The following COX10 variants were observed in gnomAD, a reference collection of about 807,000 sequenced individuals.
COX10 encodes protoheme IX farnesyltransferase, mitochondrial.
In COX10, 27 loss-of-function variants were observed where a neutral mutation model predicts 37.3. That is an observed-to-expected ratio of 0.72 (90% CI 0.53 to 1.00). The LOEUF is 1.00. Among genes scored for constraint, COX10 ranks in the 50% least tolerant of loss-of-function variants. COX10 has a pLI of 0.00. For missense variants in COX10, 475 were observed against 563.2 expected (o/e 0.84, Z 1.59); for synonymous variants, 222 against 229.1 (o/e 0.97, Z 0.28).
intron 4 of COX10, among the ~76,000 whole-genome samples, chr17:14,119,097 C>G (rs993563703): frequency 6.6e-6 from 1 of 152,008 alleles, no homozygotes; most frequent in South Asian, 2.1e-4. Context: ...GTTTATTCAT[C>G]ATTGAACTAA....
chr17:14,198,526 A>T (rs1341593122), intron 6 of COX10, among the ~76,000 whole-genome samples: 1 of 152,196 alleles, frequency 6.6e-6, no homozygotes, highest in African/African-American at 2.4e-5. Flanking sequence ...TTGGCTTGTG[A>T]TTCAAATGTG....
intron 6 of COX10, among the ~76,000 whole-genome samples, chr17:14,198,623 T>C (rs1335757530): frequency 1.3e-5 from 2 of 152,200 alleles, no homozygotes; most frequent in Non-Finnish European, 2.9e-5. Context: ...ATTTGGCAGA[T>C]GGATGGTTTT....
intron 4 of COX10, among the ~76,000 whole-genome samples, chr17:14,115,980 T>C (rs1207272707): frequency 2.0e-5 from 3 of 152,168 alleles, no homozygotes; most frequent in Admixed American, 2.0e-4. Flanking sequence ...AATCTATACA[T>C]GCAGTAAAAT....
intron 3 of COX10, among the ~76,000 whole-genome samples, chr17:14,085,032 C>T (rs952051911): frequency 3.9e-5 from 6 of 152,162 alleles, no homozygotes; most frequent in Non-Finnish European, 8.8e-5. Flanking sequence ...GTTAGCAGTA[C>T]AGCCTCTGGA....
At chr17:14,178,709 C>T (rs1383272811) in intron 5 of COX10, among the ~76,000 whole-genome samples, 1 of 152,146 alleles carries the variant, frequency 6.6e-6, no homozygotes, top group African/African-American at 2.4e-5. Context: ...TGCATGGCGG[C>T]CCTGCCAACC....
chr17:14,122,670 T>A (rs963491468), intron 4 of COX10, among the ~76,000 whole-genome samples: 2 of 152,204 alleles, frequency 1.3e-5, no homozygotes, highest in Non-Finnish European at 2.9e-5. Context: ...AGTTGGCGAT[T>A]GGTGCCAAGA....
intron 5 of COX10, among the ~76,000 whole-genome samples, chr17:14,165,254 T>A (rs915724522): frequency 6.6e-6 from 1 of 152,232 alleles, no homozygotes; most frequent in Non-Finnish European, 1.5e-5. Flanking sequence ...ACTACATTTT[T>A]TACAAATTGA....
chr17:14,154,408 G>C (rs1261197612), intron 4 of COX10, among the ~76,000 whole-genome samples: 4 of 152,150 alleles, frequency 2.6e-5, no homozygotes, highest in African/African-American at 4.8e-5. Flanking sequence ...TTATTCACTT[G>C]ACCTGCTATT....
intron 3 of COX10, among the ~76,000 whole-genome samples, chr17:14,082,800 C>T (rs1000745088): frequency 1.3e-5 from 2 of 152,138 alleles, no homozygotes; most frequent in African/African-American, 4.8e-5. Flanking sequence ...ACAGTGATTC[C>T]TGGCCACTGT....
chr17:14,076,544 A>G (rs937663828), intron 2 of COX10, among the ~76,000 whole-genome samples, 191 bp from the exon 3 acceptor site: 1 of 152,182 alleles, frequency 6.6e-6, no homozygotes, highest in African/African-American at 2.4e-5. Context: ...CCTAAATTTT[A>G]TTCTCCATAT....
chr17:14,155,732 AAAAG>A (rs1230282839), intron 4 of COX10, among the ~76,000 whole-genome samples: 1 of 151,696 alleles, frequency 6.6e-6, no homozygotes, highest in Admixed American at 6.6e-5. Context: ...AAAAGAAAAA[AAAAG>A]AAAACAAAAG....
chr17:14,074,417 G>C lies in COX10; in HGVS notation c.138G>C (p.Gln46His). ...FLHLLRNVNK[Q>H]WITFQHFSFL... ...ATCTTCTCAGGAATGTCAATAAGCA[G>C]TGGATTACATTTCAGCACTTTAGCT... Residue 46 changes from glutamine (Q) to histidine (H), a missense_variant, in exon 2 of 7, where the codon CAG becomes CAC. Physicochemically the swap from Gln to His is conservative, Grantham distance 24 (BLOSUM62 0). This residue lies in a region of COX10 where 242 missense variants were observed against 242.5 expected (regional missense o/e 1.00). Transcript: ENST00000261643. 6.2e-7 allele frequency: 1 copy of C among 1,613,948 alleles called. No homozygotes were observed.
chr17:14,197,401 A>G (rs560267377), intron 6 of COX10, among the ~76,000 whole-genome samples: 1 of 152,206 alleles, frequency 6.6e-6, no homozygotes, highest in African/African-American at 2.4e-5. Flanking sequence ...ACATAAAATA[A>G]CTCTAAGGAT....
At chr17:14,175,166 T>C (rs1905636469) in intron 5 of COX10, among the ~76,000 whole-genome samples, 2 of 122,346 alleles carry the variant, frequency 1.6e-5, no homozygotes, top group Non-Finnish European at 3.6e-5. Flanking sequence ...ATATGTTCTA[T>C]ATCTTGATTG....
intron 3 of COX10, among the ~76,000 whole-genome samples, chr17:14,078,214 T>C (rs1207429067): frequency 1.3e-5 from 2 of 152,152 alleles, no homozygotes; most frequent in Non-Finnish European, 2.9e-5. Flanking sequence ...AACTCTCTTT[T>C]GTCATTTACA....
chr17:14,082,182 G>T (rs1164354068), intron 3 of COX10, among the ~76,000 whole-genome samples: 1 of 152,136 alleles, frequency 6.6e-6, no homozygotes, highest in Non-Finnish European at 1.5e-5. Context: ...TAAGGATTGG[G>T]TAAGGTATAT....
At chr17:14,170,401 G>A (rs1597533709) in intron 5 of COX10, among the ~76,000 whole-genome samples, 2 of 151,784 alleles carry the variant, frequency 1.3e-5, no homozygotes, top group African/African-American at 4.8e-5. Context: ...CAGTCTTCAG[G>A]TATTCTTCAT....
chr17:14,107,614 C>T (rs1461063056), intron 4 of COX10, among the ~76,000 whole-genome samples: 1 of 151,618 alleles, frequency 6.6e-6, no homozygotes, highest in Non-Finnish European at 1.5e-5. Flanking sequence ...CTGGCCTCAG[C>T]TTTCACCCTC....
rs1418512688 is a variant in COX10 at position 14,076,866 on chromosome 17, A to G, written c.309A>G (p.Ser103=). 1 of 1,614,222 alleles carries G rather than the reference A, an allele frequency of 6.2e-7. No individual in the cohort carries two copies. The highest frequency in any genetic ancestry group is 1.3e-5 in the African/African-American group (1 of 75,054). ...KAEIYEMRPL[S]PPSLSLSRKP... ...AAATATATGAGATGAGACCTCTCTC[A>G]CCGCCCAGCCTATCTTTGTCCAGAA... The change falls in exon 3 of 7, where the codon TCA becomes TCG. Residue 103 remains serine (S), a synonymous_variant. Coordinates refer to ENST00000261643, the MANE Select transcript of COX10 (RefSeq NM_001303.4).
Sources: gnomAD v4.1 joint callset for allele counts (sites outside exome capture counted in the v4.1 genomes callset) on GRCh38, gnomAD v4.1.1 for gene constraint, gnomAD v4.1.1 regional missense constraint, MANE v1.5 for transcripts, NCBI Gene and HGNC (gene_info 2026-07-23, HGNC 2026-07-21) for gene names.